Variants in SBNO2 observed in about 807,000 individuals in gnomAD.
SBNO2 encodes protein strawberry notch homolog 2.
In SBNO2, 89 loss-of-function variants were observed where a neutral mutation model predicts 146.3. That is an observed-to-expected ratio of 0.61 (90% CI 0.51 to 0.73). The LOEUF (loss-of-function observed/expected upper bound fraction) is 0.73, where lower values mean the gene tolerates loss of function less well. Among genes scored for constraint, SBNO2 ranks in the 30% least tolerant of loss-of-function variants. The pLI is 0.00. For missense variants in SBNO2, 2,092 were observed against 2,003.7 expected (o/e 1.04, Z -0.84); for synonymous variants, 1,147 against 892.6 (o/e 1.29, Z -5.08).
In SBNO2 at chr19:1,108,821, G is replaced by A; in HGVS notation, c.3574C>T (p.Gln1192Ter). The A allele has an allele frequency of 1.2e-6, 2 of 1,602,690 alleles. No homozygotes were observed. Among genetic ancestry groups the A allele is most frequent in the Non-Finnish European group, 1.7e-6 (2 of 1,178,984 alleles). Reference protein sequence around the residue: ...MADVSSSSYLQIVRLKTKDRK... With the variant: ...MADVSSSSYL ...TCCTTGGTCTTCAGCCGCACGATCT[G>A]CAGGTAGCTGCTGCTGCTGACGTCG... is the stretch of plus-strand genomic sequence containing the variant. Residue 1192 changes from glutamine (Q) to a stop codon, truncating the protein, a stop_gained, in exon 31 of 32, where the codon CAG (glutamine) becomes TAG (stop). Coordinates refer to ENST00000361757, the MANE Select transcript of SBNO2 (RefSeq NM_014963.3). LOFTEE classifies it low-confidence loss of function (END_TRUNC).
Position 1,112,546 on chromosome 19 carries a change from A to T in SBNO2, c.2380-9T>A. 2 of 1,593,564 alleles carry T rather than the reference A, an allele frequency of 1.3e-6. No homozygotes were observed. Among genetic ancestry groups the T allele is most frequent in the Non-Finnish European group, 8.5e-7 (1 of 1,174,994 alleles). ...GAGATGATGGCCACGAGCTAGGGGG[A>T]AAGAAGGGGCCGGGACACGGTTGGT... On this transcript the variant is annotated splice_polypyrimidine_tract_variant and intron_variant, in intron 20 of 31. Transcript: ENST00000361757. This position sits in a 1 kb window ranked among gnomAD's most constrained non-coding sequence, Gnocchi z 5.9.
chr19:1,122,815 G>A, intron 8 of SBNO2, 24 bp from the exon 9 acceptor site: 1 of 1,538,000 alleles, frequency 6.5e-7, no homozygotes, highest in Non-Finnish European at 8.7e-7. Flanking sequence ...GCAGGCGTCA[G>A]GGCCTGGGGG....
At position 1,114,274 on chromosome 19, in the gene SBNO2, G is replaced by A. The variant is rs374169976; in HGVS notation, c.2034C>T (p.Asp678=). 38 of 1,547,480 alleles carry A rather than the reference G, an allele frequency of 2.5e-5. No homozygotes were observed. The highest frequency in any genetic ancestry group is 1.5e-4 in the East Asian group (6 of 40,406). Residue 678 remains aspartate, a synonymous_variant, in exon 18 of 32, where the codon GAC becomes GAT. Transcript: ENST00000361757. ...NSSPESLVDD[D]VVIVDAVGLP... Reference sequence around the variant, plus strand: ...GCCCGACTGCATCAACGATGACAACGTCGTCATCCACCAGGGACTCGGGGG... The same window carrying A: ...GCCCGACTGCATCAACGATGACAACATCGTCATCCACCAGGGACTCGGGGG...
chr19:1,147,440 G>A lies in SBNO2; in HGVS notation c.168-20C>T. 1 of 1,241,436 alleles carries A rather than the reference G, an allele frequency of 8.1e-7. No homozygotes were observed. Among genetic ancestry groups the A allele is most frequent in the Non-Finnish European group, 1.1e-6 (1 of 900,922 alleles). 76.9% of individuals were successfully genotyped at this position (1,241,436 alleles called of 1,614,324 possible). On this transcript the variant is annotated intron_variant, in intron 3 of 31. Coordinates refer to ENST00000361757, the MANE Select transcript of SBNO2 (RefSeq NM_014963.3). ...AACGGGCTGGAGGGAGATGGGGGGG[G>A]GGGAGGTGAGATGGGGTGCTCAACC...
Position 1,116,006 on chromosome 19 carries a change from G to A in SBNO2, c.1885+15C>T, listed in dbSNP as rs555584135. 8 of 1,603,018 alleles carry A rather than the reference G, an allele frequency of 5.0e-6. No homozygotes were observed. Among genetic ancestry groups the A allele is most frequent in the Non-Finnish European group, 6.0e-6 (7 of 1,176,194 alleles). ...AGGGGCAGGGGTGGGTGGGGCCATG[G>A]GGGGCAGGGCTTACGTTTCCGCTTG... On this transcript the variant is annotated intron_variant, in intron 17 of 31. Transcript: ENST00000361757.
intron 1 of SBNO2, among the ~76,000 whole-genome samples, chr19:1,167,043 G>C (rs1599887589): frequency 6.6e-6 from 1 of 152,280 alleles, no homozygotes; most frequent in East Asian, 1.9e-4. Flanking sequence ...CGAGCCCTGA[G>C]GGCATCAGGT....
At chr19:1,133,300 G>A (rs939305782) in intron 4 of SBNO2, among the ~76,000 whole-genome samples, 1 of 152,186 alleles carries the variant, frequency 6.6e-6, no homozygotes, top group African/African-American at 2.4e-5. Context: ...TGTGGCCAGG[G>A]GCCCTGGGAA....
rs2080084249 is a variant in SBNO2 at position 1,136,330 on chromosome 19, C to T, written c.280-8565G>A. Reference sequence around the variant, plus strand: ...GCACGGCTCCCCAGGAAACTGGGCTCCCTTCTGTCAGGGTTCCGGCCAGGT... The same window carrying T: ...GCACGGCTCCCCAGGAAACTGGGCTTCCTTCTGTCAGGGTTCCGGCCAGGT... On this transcript the variant is annotated intron_variant, in intron 4 of 31. Coordinates refer to ENST00000361757, the MANE Select transcript of SBNO2 (RefSeq NM_014963.3). This position sits in a 1 kb window ranked among gnomAD's most constrained non-coding sequence, Gnocchi z 4.2. 6.6e-6 allele frequency among the ~76,000 whole-genome samples: 1 copy of T among 152,244 alleles called. No individual in the cohort carries two copies. The highest frequency in any genetic ancestry group is 2.1e-4 in the South Asian group (1 of 4,838).
chr19:1,113,016 G>A, intron 19 of SBNO2, 67 bp from the exon 20 acceptor site: 3 of 1,495,304 alleles, frequency 2.0e-6, no homozygotes, highest in Non-Finnish European at 9.0e-7. Flanking sequence ...GGCCACCCGT[G>A]TCTCAGCTTC....
intron 19 of SBNO2, 146 bp from the exon 20 acceptor site, chr19:1,113,095 C>G: frequency 1.1e-6 from 1 of 930,992 alleles, no homozygotes; most frequent in Non-Finnish European, 1.6e-6. Flanking sequence ...AAAGGGAGGG[C>G]GGGACTGCTG....
At position 1,124,088 on chromosome 19, in the gene SBNO2, G is replaced by A. The variant is rs747216427; in HGVS notation, c.442-66C>T. ...AGGTCACAGCTGGTGGGCCCTCGCA[G>A]CCTGGCCACCAGAGGGAGGCTCCCC... On this transcript the variant is annotated intron_variant, in intron 5 of 31. Transcript: ENST00000361757. The A allele has an allele frequency of 2.0e-6, 3 of 1,483,166 alleles. No individual in the cohort carries two copies. The East Asian group carries it at 7.1e-5, about 35-fold the overall frequency. 91.9% of individuals were successfully genotyped at this position (1,483,166 alleles called of 1,614,324 possible).
chr19:1,117,301 C>T (rs2079844582), intron 15 of SBNO2, 22 bp downstream of exon 15: 2 of 1,548,366 alleles, frequency 1.3e-6, no homozygotes, highest in Non-Finnish European at 8.7e-7. Flanking sequence ...GCCCTCAGCC[C>T]TCGAAGGCCG....
chr19:1,132,310 A>C (rs1429097824), intron 4 of SBNO2: 1 of 1,301,354 alleles, frequency 7.7e-7, no homozygotes, highest in African/African-American at 1.5e-5. Flanking sequence ...ACTTCCTCTA[A>C]GGCCGGGGCT....
chr19:1,115,898 G>C (rs769582328), intron 17 of SBNO2, 123 bp downstream of exon 17: 17 of 803,450 alleles, frequency 2.1e-5, no homozygotes, highest in African/African-American at 5.1e-5. Context: ...TGCCTGGCAC[G>C]GACAGGACCT....
At position 1,157,835 on chromosome 19, in the gene SBNO2, GT is replaced by G. The variant is rs1335262198; in HGVS notation, c.-126-3434del. 6.9e-6 allele frequency among the ~76,000 whole-genome samples: 1 copy of G among 144,036 alleles called. No homozygotes were observed. Among genetic ancestry groups the G allele is most frequent in the Non-Finnish European group, 1.5e-5 (1 of 64,702 alleles). 94.5% of individuals were successfully genotyped at this position (144,036 alleles called of 152,430 possible). On this transcript the variant is annotated intron_variant, in intron 1 of 31. Coordinates refer to ENST00000361757, the MANE Select transcript of SBNO2 (RefSeq NM_014963.3). This position sits in a 1 kb window ranked among gnomAD's most constrained non-coding sequence, Gnocchi z 6.8. ...CTCTCTCCTGAGTCCGGGTAACTGC[GT>G]CCGCCTCCCAGCTCTCTCTCTTGAG... is the stretch of plus-strand genomic sequence containing the variant.
At chr19:1,171,448 C>T (rs571349637) in intron 1 of SBNO2, among the ~76,000 whole-genome samples, 79 of 152,270 alleles carry the variant, frequency 5.2e-4, no homozygotes, top group Non-Finnish European at 1.0e-3. Flanking sequence ...GCAGCGCTGG[C>T]GTCATGGGGG....
Position 1,109,222 on chromosome 19 carries a change from A to G in SBNO2, c.3349-11T>C, listed in dbSNP as rs1384936221. 4 of 1,569,570 alleles carry G rather than the reference A, an allele frequency of 2.5e-6. No individual in the cohort carries two copies. Among genetic ancestry groups the G allele is most frequent in the African/African-American group, 2.7e-5 (2 of 73,918 alleles). Reference sequence around the variant, plus strand: ...CTCCTCCGCGGTGACCTAGGGACACAGGGCCGCATGAGCCTGGGCGGGGTC... The same window carrying G: ...CTCCTCCGCGGTGACCTAGGGACACGGGGCCGCATGAGCCTGGGCGGGGTC... On this transcript the variant is annotated splice_polypyrimidine_tract_variant and intron_variant, in intron 29 of 31. Coordinates refer to ENST00000361757, the MANE Select transcript of SBNO2 (RefSeq NM_014963.3). The surrounding 1 kb of genome is among the most constrained non-coding windows in gnomAD (Gnocchi z 4.2).
In SBNO2 at chr19:1,157,210, C is replaced by A. The variant is rs2080299072; in HGVS notation, c.-126-2808G>T. Among the ~76,000 whole-genome samples the A allele has an allele frequency of 6.6e-6, 1 of 152,190 alleles. No individual in the cohort carries two copies. The highest frequency in any genetic ancestry group is 2.4e-5 in the African/African-American group (1 of 41,444). ...CCATTGACTCCGCCGCCGTTTCTTG[C>A]AGCAGCTGTGACCACGCCATGTCTC... is the stretch of plus-strand genomic sequence containing the variant. On this transcript the variant is annotated intron_variant, in intron 1 of 31. Coordinates refer to ENST00000361757, the MANE Select transcript of SBNO2 (RefSeq NM_014963.3). This position sits in a 1 kb window ranked among gnomAD's most constrained non-coding sequence, Gnocchi z 6.8.
At chr19:1,132,743 T>C (rs2080045485) in intron 4 of SBNO2, among the ~76,000 whole-genome samples, 1 of 151,814 alleles carries the variant, frequency 6.6e-6, no homozygotes. Context: ...GTCCCCTCCC[T>C]GCTCTTTCCC....
Sources: allele counts gnomAD v4.1 joint callset (sites outside exome capture counted in the v4.1 genomes callset), GRCh38; gene constraint gnomAD v4.1.1; non-coding constraint Gnocchi (gnomAD v3.1); transcripts MANE v1.5; gene names NCBI Gene and HGNC (gene_info 2026-07-23, HGNC 2026-07-21).